The following ZNF143 variants were observed in gnomAD, a reference collection of about 807,000 sequenced individuals.
The protein encoded by ZNF143 is SPH-binding factor.
Under a neutral mutation model 74.1 loss-of-function variants are expected in ZNF143, and 49 were observed. That is an observed-to-expected ratio of 0.66 (90% CI 0.53 to 0.84). The LOEUF is 0.84. Ranked by LOEUF, ZNF143 falls within the 40% of genes least tolerant of loss-of-function variation. ZNF143 has a pLI of 0.00. For missense variants in ZNF143, 637 were observed against 793.4 expected (o/e 0.80, Z 2.37); for synonymous variants, 304 against 282.8 (o/e 1.07, Z -0.75).
chr11:9,491,586 G>A (rs886507822), intron 7 of ZNF143, among the ~76,000 whole-genome samples: 1 of 151,864 alleles, frequency 6.6e-6, no homozygotes, highest in Non-Finnish European at 1.5e-5. Flanking sequence ...TACAGTGAGC[G>A]GAGATCGCAC....
chr11:9,523,627 G>A (rs1849018982), intron 14 of ZNF143, among the ~76,000 whole-genome samples: 1 of 152,052 alleles, frequency 6.6e-6, no homozygotes. Context: ...CCAGCTACTC[G>A]GGAGGCTGAG....
chr11:9,503,385 G>A (rs1848237334), intron 11 of ZNF143, among the ~76,000 whole-genome samples: 2 of 152,134 alleles, frequency 1.3e-5, no homozygotes, highest in Non-Finnish European at 2.9e-5. Context: ...GAGTGGACTT[G>A]CTGGGTCATA....
intron 6 of ZNF143, among the ~76,000 whole-genome samples, chr11:9,478,958 T>C (rs904184303): frequency 7.2e-5 from 11 of 152,028 alleles, no homozygotes; most frequent in South Asian, 2.1e-4. Flanking sequence ...CCGAAAGATA[T>C]ACGAGGATGA....
intron 7 of ZNF143, among the ~76,000 whole-genome samples, chr11:9,490,958 C>T (rs1394503526): frequency 6.6e-6 from 1 of 152,232 alleles, no homozygotes; most frequent in Non-Finnish European, 1.5e-5. Flanking sequence ...GTCTCAAACT[C>T]CTGGGCTCAC....
chr11:9,491,364 C>T (rs1053320967), intron 7 of ZNF143, among the ~76,000 whole-genome samples: 46 of 151,696 alleles, frequency 3.0e-4, no homozygotes, highest in Non-Finnish European at 4.4e-4. Context: ...CGGCTGGGCG[C>T]GGTGGCTCAC....
chr11:9,482,545 T>C lies in ZNF143; in HGVS notation c.645+2999T>C, dbSNP rs778780498. On this transcript the variant is annotated intron_variant, in intron 7 of 15. Coordinates refer to ENST00000396602, the MANE Select transcript of ZNF143 (RefSeq NM_003442.6). ...TCGGCCTCCCATAGTGCTGGGATTA[T>C]AGGCGTGAGCCAGCGCACCCGGCCA... is the stretch of plus-strand genomic sequence containing the variant. 7.8e-4 allele frequency among the ~76,000 whole-genome samples: 118 copies of C among 151,594 alleles called. 1 individual carries two copies. The highest frequency in any genetic ancestry group is 1.3e-3 in the Non-Finnish European group (91 of 67,986).
intron 7 of ZNF143, among the ~76,000 whole-genome samples, chr11:9,482,250 G>T (rs1163594028): frequency 7.0e-6 from 1 of 143,824 alleles, no homozygotes. Flanking sequence ...GATTACAGGC[G>T]TGAGCTACTG....
chr11:9,497,774 T>C lies in ZNF143; in HGVS notation c.941T>C (p.Leu314Pro). The C allele has an allele frequency of 6.2e-7, 1 of 1,603,776 alleles. No individual in the cohort carries two copies. The highest frequency in any genetic ancestry group is 8.5e-7 in the Non-Finnish European group (1 of 1,173,842). ...AAATCTTTCAAAACTTCAGGAGATC[T>C]ACAGAAACACATCAGAACTCATACA... ...CTKSFKTSGDLQKHIRTHTGE... is the reference protein window; with the variant it reads ...CTKSFKTSGDPQKHIRTHTGE... Residue 314 changes from leucine (L) to proline (P), a missense_variant, in exon 10 of 16, where the codon CTA becomes CCA. By Grantham distance (98) the Leu-to-Pro change is moderately conservative. Coordinates refer to ENST00000396602, the MANE Select transcript of ZNF143 (RefSeq NM_003442.6).
chr11:9,511,313 T>C lies in ZNF143; in HGVS notation c.1376-1135T>C, dbSNP rs1046753632. Among the ~76,000 whole-genome samples the C allele has an allele frequency of 3.3e-5, 5 of 151,514 alleles. No individual in the cohort carries two copies. The South Asian group carries it at 6.3e-4, about 19-fold the overall frequency. The stretch of plus-strand genomic sequence containing the variant: ...TTTGTTTGTTTGTTTGTTTTTGTTA[T>C]TGAGACAGAGTCTTGCTCTGTCGCC... On this transcript the variant is annotated intron_variant, in intron 12 of 15. Transcript: ENST00000396602.
At chr11:9,485,857 A>T (rs578165556) in intron 7 of ZNF143, among the ~76,000 whole-genome samples, 1 of 151,650 alleles carries the variant, frequency 6.6e-6, no homozygotes, top group African/African-American at 2.4e-5. Context: ...TGCCATGTGC[A>T]TTAGGCCGTT....
chr11:9,492,525 G>A (rs1477353042), intron 7 of ZNF143, among the ~76,000 whole-genome samples: 1 of 152,122 alleles, frequency 6.6e-6, no homozygotes, highest in Non-Finnish European at 1.5e-5. Context: ...GAGATTACAG[G>A]TCTGAGCCAC....
intron 7 of ZNF143, 70 bp downstream of exon 7, chr11:9,479,616 A>G: frequency 4.7e-6 from 6 of 1,271,758 alleles, no homozygotes; most frequent in Non-Finnish European, 6.7e-6. Flanking sequence ...GATGAAAGCA[A>G]GAATAGGTAA....
chr11:9,503,601 G>A (rs577051541), intron 11 of ZNF143, among the ~76,000 whole-genome samples: 16 of 149,714 alleles, frequency 1.1e-4, no homozygotes, highest in African/African-American at 3.7e-4. Context: ...ATCTCATTCC[G>A]ACTTTTGATT....
At chr11:9,501,068 T>C (rs1848140992) in intron 10 of ZNF143, 23 bp from the exon 11 acceptor site, 2 of 1,613,448 alleles carry the variant, frequency 1.2e-6, no homozygotes, top group South Asian at 1.1e-5. Context: ...CACCATTTAA[T>C]GTATTACCCT....
rs867440459 is a variant in ZNF143, at chr11:9,486,421, T to A, written c.645+6875T>A. ...AATATATTATATATATAATATATAT[T>A]ATATATATTATATATATAATATATT... On this transcript the variant is annotated intron_variant, in intron 7 of 15. Coordinates refer to ENST00000396602, the MANE Select transcript of ZNF143 (RefSeq NM_003442.6). Among the ~76,000 whole-genome samples, 65 of 18,484 alleles carry A rather than the reference T, an allele frequency of 3.5e-3. 1 individual carries two copies. The highest frequency in any genetic ancestry group is 5.4e-3 in the Non-Finnish European group (38 of 7,064). 12.1% of individuals were successfully genotyped at this position (18,484 alleles called of 152,430 possible). A position where few individuals can be genotyped will look rare whatever the true frequency, so the allele number is the denominator to read the frequency against.
chr11:9,473,952 A>T lies in ZNF143; in HGVS notation c.217A>T (p.Ile73Leu), dbSNP rs1274800214. The change falls in exon 4 of 16, where the codon ATA becomes TTA. Residue 73 changes from isoleucine (I) to leucine (L), a missense_variant. Physicochemically the swap from Ile to Leu is conservative, Grantham distance 5 (BLOSUM62 2). This residue lies in a region of ZNF143 where 293 missense variants were observed against 307.8 expected (regional missense o/e 0.95). Coordinates refer to ENST00000396602, the MANE Select transcript of ZNF143 (RefSeq NM_003442.6). ...ATCTTTTGTTATAGATGCAAAACTCATAGATGGCCAGGTCATTCAGTTGGA... is the reference window on the plus strand; with the variant it reads ...ATCTTTTGTTATAGATGCAAAACTCTTAGATGGCCAGGTCATTCAGTTGGA... ...IQHNSKDAKL[I>L]DGQVIQLEDG... is the part of the protein sequence containing the mutation. 5 of 1,614,040 alleles carry T rather than the reference A, an allele frequency of 3.1e-6. No homozygotes were observed. In the African/African-American group the frequency reaches 6.7e-5, roughly 22 times the overall value.
At chr11:9,496,763 A>G (rs1428836385) in intron 9 of ZNF143, among the ~76,000 whole-genome samples, 2 of 151,650 alleles carry the variant, frequency 1.3e-5, no homozygotes, top group Admixed American at 1.3e-4. Flanking sequence ...TGCCCGGCTC[A>G]TATTTTGTAT....
chr11:9,478,005 T>G (rs1847082519), intron 5 of ZNF143, among the ~76,000 whole-genome samples: 1 of 152,134 alleles, frequency 6.6e-6, no homozygotes, highest in Non-Finnish European at 1.5e-5. Flanking sequence ...TTTTTGTATT[T>G]TTAGTAGAGA....
chr11:9,520,653 G>A lies in ZNF143; in HGVS notation c.1686+4291G>A, dbSNP rs145318568. Reference sequence around the variant, plus strand: ...TAAAAATACAAAAAATTAGCATGGTGTGGTGTGCACCTTTAGTCCCAGCTA... The same window carrying A: ...TAAAAATACAAAAAATTAGCATGGTATGGTGTGCACCTTTAGTCCCAGCTA... On this transcript the variant is annotated intron_variant, in intron 14 of 15. Transcript: ENST00000396602. Among the ~76,000 whole-genome samples the A allele has an allele frequency of 9.3e-4, 142 of 152,236 alleles. No individual in the cohort carries two copies. The East Asian group carries it at 0.011, about 11-fold the overall frequency.
Sources: gnomAD v4.1 joint callset for allele counts (sites outside exome capture counted in the v4.1 genomes callset) on GRCh38, gnomAD v4.1.1 for gene constraint, gnomAD v4.1.1 regional missense constraint, MANE v1.5 for transcripts, NCBI Gene and HGNC (gene_info 2026-07-23, HGNC 2026-07-21) for gene names.